Variants in ARHGAP6 observed in about 807,000 individuals in gnomAD.
ARHGAP6 encodes Rho GTPase activating protein 6.
Under a neutral mutation model 55.7 loss-of-function variants are expected in ARHGAP6, and 16 were observed. The observed-to-expected ratio is 0.29, with a 90% CI of 0.19 to 0.44. The LOEUF is 0.44. Ranked by LOEUF, ARHGAP6 falls within the 20% of genes least tolerant of loss-of-function variation. ARHGAP6 has a pLI of 1.00. For synonymous variants in ARHGAP6, 382 were observed against 360.9 expected (o/e 1.06, Z -0.66); for missense variants, 698 against 808.9 (o/e 0.86, Z 1.66).
intron 1 of ARHGAP6, among the ~76,000 whole-genome samples, chrX:11,420,560 T>C (rs951847255): frequency 2.7e-5 from 3 of 111,137 alleles, no homozygotes; most frequent in Non-Finnish European, 5.7e-5. Flanking sequence ...GGAGAACAGG[T>C]AGGCCACAAA....
intron 1 of ARHGAP6, among the ~76,000 whole-genome samples, chrX:11,544,123 T>G (rs1045937439): frequency 4.5e-5 from 5 of 112,075 alleles, no homozygotes; most frequent in Non-Finnish European, 9.4e-5. Flanking sequence ...TTTTAGGCAT[T>G]TGGGATAATC....
In ARHGAP6 at chrX:11,645,328, T is replaced by C. The variant is rs746893583; in HGVS notation, c.588+18913A>G. 7.2e-5 allele frequency among the ~76,000 whole-genome samples: 8 copies of C among 111,251 alleles called. No homozygotes were observed. The South Asian group carries it at 2.3e-3, about 32-fold the overall frequency. Reference sequence around the variant, plus strand: ...TCCAAAAGAAAAAAAATCATTTTTTTTGCTATCCCTTATATTAATATGGAC... The same window carrying C: ...TCCAAAAGAAAAAAAATCATTTTTTCTGCTATCCCTTATATTAATATGGAC... On this transcript the variant is annotated intron_variant, in intron 1 of 12. Coordinates refer to ENST00000337414, the MANE Select transcript of ARHGAP6 (RefSeq NM_013427.3).
In ARHGAP6 at chrX:11,367,779, T is replaced by C. The variant is rs948272874; in HGVS notation, c.589-113072A>G. ...AGAGACCAGGATGTTACCTCCAGAT[T>C]GTGGGACTTCCAGGCTTCCGCCCTA... On this transcript the variant is annotated intron_variant, in intron 1 of 12. Coordinates refer to ENST00000337414, the MANE Select transcript of ARHGAP6 (RefSeq NM_013427.3). 6 of 751,642 alleles carry C rather than the reference T, an allele frequency of 8.0e-6. No individual in the cohort carries two copies. In the East Asian group the frequency reaches 6.1e-4, roughly 76 times the overall value. The allele number at this position is 751,642 out of a possible 1,213,427, so 61.9% of individuals were successfully genotyped here. A position where few individuals can be genotyped will look rare whatever the true frequency, so the allele number is the denominator to read the frequency against.
chrX:11,156,386 G>A (rs900928971), intron 10 of ARHGAP6, 143 bp downstream of exon 10: 10 of 433,636 alleles, frequency 2.3e-5, no homozygotes, highest in Non-Finnish European at 3.9e-5. Flanking sequence ...CTGGTTAGAT[G>A]GACTGATCAG....
intron 1 of ARHGAP6, among the ~76,000 whole-genome samples, chrX:11,514,023 G>A (rs758817253): frequency 5.5e-5 from 6 of 108,839 alleles, no homozygotes; most frequent in Non-Finnish European, 7.6e-5. Flanking sequence ...ATAGCCAGGG[G>A]TGGTGACACA....
intron 1 of ARHGAP6, among the ~76,000 whole-genome samples, chrX:11,272,186 T>C (rs771329645): frequency 1.8e-5 from 2 of 112,176 alleles, no homozygotes; most frequent in Non-Finnish European, 3.8e-5. Context: ...TTGGTAATTG[T>C]ATTTAATGTT....
At chrX:11,326,961 T>G (rs1032354057) in intron 1 of ARHGAP6, among the ~76,000 whole-genome samples, 3 of 111,853 alleles carry the variant, frequency 2.7e-5, no homozygotes, top group Non-Finnish European at 5.6e-5. Flanking sequence ...ATCCACTGAT[T>G]TCATGATAAG....
chrX:11,487,885 C>G (rs141744918), intron 1 of ARHGAP6, among the ~76,000 whole-genome samples: 1,863 of 111,982 alleles, frequency 0.017, 33 homozygotes, highest in African/African-American at 0.058. Flanking sequence ...TCAACTAACA[C>G]AGTAATAATT....
chrX:11,174,684 T>A (rs867108909), intron 8 of ARHGAP6, among the ~76,000 whole-genome samples: 49 of 63,852 alleles, frequency 7.7e-4, no homozygotes, highest in African/African-American at 1.1e-3. Flanking sequence ...TCTTTCTTTC[T>A]TTCATTCATT....
intron 1 of ARHGAP6, among the ~76,000 whole-genome samples, chrX:11,468,769 C>T (rs1471321595): frequency 1.8e-5 from 2 of 111,847 alleles, no homozygotes; most frequent in African/African-American, 3.2e-5. Context: ...TTCTAAATGA[C>T]AAAAAGGGAA....
intron 1 of ARHGAP6, among the ~76,000 whole-genome samples, chrX:11,494,415 G>T (rs770121308): frequency 8.9e-6 from 1 of 112,466 alleles, no homozygotes; most frequent in Non-Finnish European, 1.9e-5. Flanking sequence ...CATTAATTAA[G>T]AGAGATTACA....
intron 1 of ARHGAP6, among the ~76,000 whole-genome samples, chrX:11,438,882 C>G (rs1417501595): frequency 8.9e-6 from 1 of 112,560 alleles, no homozygotes; most frequent in African/African-American, 3.2e-5. Context: ...AGCCAGAGGG[C>G]TTTGCTCCAG....
intron 1 of ARHGAP6, among the ~76,000 whole-genome samples, chrX:11,586,583 T>C (rs925213300): frequency 8.9e-6 from 1 of 111,900 alleles, no homozygotes; most frequent in African/African-American, 3.2e-5. Flanking sequence ...AGCCCCATAG[T>C]ATAGTTTGAA....
intron 2 of ARHGAP6, among the ~76,000 whole-genome samples, chrX:11,217,970 A>G (rs754275039): frequency 1.8e-5 from 2 of 111,998 alleles, no homozygotes; most frequent in Non-Finnish European, 3.8e-5. Flanking sequence ...TAAATGGGGA[A>G]TCTTTTCCCC....
rs976353094 is a variant in ARHGAP6 at position 11,317,321 on chromosome X, G to A, written c.589-62614C>T. On this transcript the variant is annotated intron_variant, in intron 1 of 12. Coordinates refer to ENST00000337414, the MANE Select transcript of ARHGAP6 (RefSeq NM_013427.3). Reference sequence around the variant, plus strand: ...CCTGGCTTTTACTCACTTGATGCCAGTAGCACCTCTCCACTTGTGACAACC... The same window carrying A: ...CCTGGCTTTTACTCACTTGATGCCAATAGCACCTCTCCACTTGTGACAACC... 2.7e-5 allele frequency among the ~76,000 whole-genome samples: 3 copies of A among 112,306 alleles called. No individual in the cohort carries two copies. The Admixed American group carries it at 2.8e-4, about 11-fold the overall frequency.
chrX:11,513,631 AG>A (rs2050806300), intron 1 of ARHGAP6, among the ~76,000 whole-genome samples: 2 of 110,903 alleles, frequency 1.8e-5, no homozygotes, highest in East Asian at 2.9e-4. Context: ...AGTCTCTCCC[AG>A]TATGGGAGAG....
intron 10 of ARHGAP6, among the ~76,000 whole-genome samples, chrX:11,151,585 C>T (rs188194467): frequency 9.9e-5 from 11 of 111,595 alleles, no homozygotes; most frequent in Non-Finnish European, 1.5e-4. Context: ...CAGACAAGCA[C>T]GAGAAAAAAC....
At chrX:11,607,551 G>C (rs747091277) in intron 1 of ARHGAP6, among the ~76,000 whole-genome samples, 1 of 112,357 alleles carries the variant, frequency 8.9e-6, no homozygotes, top group East Asian at 2.8e-4. Flanking sequence ...GAGTTACTCA[G>C]AGGAAAAATT....
chrX:11,381,485 A>G (rs2049262274), intron 1 of ARHGAP6, among the ~76,000 whole-genome samples: 1 of 112,143 alleles, frequency 8.9e-6, no homozygotes, highest in East Asian at 2.8e-4. Context: ...CAACGACCAT[A>G]GAAGATATAA....
Sources: allele counts gnomAD v4.1 joint callset (sites outside exome capture counted in the v4.1 genomes callset), GRCh38; gene constraint gnomAD v4.1.1; transcripts MANE v1.5; gene names NCBI Gene and HGNC (gene_info 2026-07-23, HGNC 2026-07-21).